The following TAFA5 variants were observed in gnomAD, a reference collection of about 807,000 sequenced individuals.
The protein encoded by TAFA5 is chemokine-like protein TAFA-5.
Under a neutral mutation model 15.3 loss-of-function variants are expected in TAFA5, and 6 were observed. The observed-to-expected ratio is 0.39, with a 90% confidence interval of 0.21 to 0.77. TAFA5 has a LOEUF of 0.77. Among genes scored for constraint, TAFA5 ranks in the 30% least tolerant of loss-of-function variants. The pLI is 0.41. For synonymous variants in TAFA5, 103 were observed against 80.7 expected, an observed-to-expected ratio of 1.28 and a Z score of -1.48; for missense variants, 161 against 193.1, an observed-to-expected ratio of 0.83 and a Z score of 0.98.
chr22:48,622,658 C>G, intron 1 of TAFA5, among the ~76,000 whole-genome samples: 1 of 152,212 alleles, frequency 6.6e-6, no homozygotes, highest in East Asian at 1.9e-4. Context: ...TTGTCACCTG[C>G]CGTGGTACGA....
At chr22:48,699,992 C>T (rs1481558196) in intron 2 of TAFA5, among the ~76,000 whole-genome samples, 2 of 152,002 alleles carry the variant, frequency 1.3e-5, no homozygotes, top group African/African-American at 2.4e-5. Context: ...GTGGATGGGC[C>T]TTTGCTGGAT....
chr22:48,658,800 G>A (rs2147212346), intron 2 of TAFA5, among the ~76,000 whole-genome samples: 1 of 152,332 alleles, frequency 6.6e-6, no homozygotes, highest in South Asian at 2.1e-4. Flanking sequence ...GAAAGGACCA[G>A]GCCTGTGGCC....
rs115590095 is a variant in TAFA5 at position 48,605,846 on chromosome 22, G to A, written c.113-40751G>A. Among the ~76,000 whole-genome samples the A allele has an allele frequency of 5.1e-3, 780 of 152,306 alleles. 7 individuals carry two copies. The highest frequency in any genetic ancestry group is 0.017 in the African/African-American group (713 of 41,560). ...CCAAGTCCCCACCCACAGTTGGGAT[G>A]CCTGGTGCTAATCCTGGAGTGTAAG... On this transcript the variant is annotated intron_variant, in intron 1 of 3. Transcript: ENST00000402357.
At position 48,679,658 on chromosome 22, in the gene TAFA5, C is replaced by T. The variant is rs1395467894; in HGVS notation, c.263-28059C>T. 1.2e-4 allele frequency among the ~76,000 whole-genome samples: 12 copies of T among 101,490 alleles called. 1 individual carries two copies. Among genetic ancestry groups the T allele is most frequent in the African/African-American group, 5.1e-4 (11 of 21,360 alleles). 66.6% of individuals were successfully genotyped at this position (101,490 alleles called of 152,430 possible). Reference sequence around the variant, plus strand: ...CCCGTCCATCCCTCTCCGGGCTCCCCGTCCATCCCTCTCCCGTCTCCCCGT... The same window carrying T: ...CCCGTCCATCCCTCTCCGGGCTCCCTGTCCATCCCTCTCCCGTCTCCCCGT... On this transcript the variant is annotated intron_variant, in intron 2 of 3. Coordinates refer to ENST00000402357, the MANE Select transcript of TAFA5 (RefSeq NM_001082967.3).
chr22:48,614,656 C>T (rs1417988112), intron 1 of TAFA5, among the ~76,000 whole-genome samples: 2 of 152,196 alleles, frequency 1.3e-5, no homozygotes, highest in African/African-American at 2.4e-5. Context: ...TGTAGGTGAC[C>T]TTTGTAAAAG....
chr22:48,719,414 AG>A, intron 3 of TAFA5, among the ~76,000 whole-genome samples: 1 of 152,290 alleles, frequency 6.6e-6, no homozygotes, highest in African/African-American at 2.4e-5. Flanking sequence ...AGGGAACTGG[AG>A]GGAGAGGGAG....
intron 1 of TAFA5, among the ~76,000 whole-genome samples, chr22:48,645,080 C>T (rs1014897612): frequency 6.6e-6 from 1 of 152,248 alleles, no homozygotes; most frequent in African/African-American, 2.4e-5. Context: ...AGCAGGCACT[C>T]ATTACCTACT....
At chr22:48,702,126 T>TGC (rs1449224926) in intron 2 of TAFA5, among the ~76,000 whole-genome samples, 1 of 65,412 alleles carries the variant, frequency 1.5e-5, no homozygotes, top group African/African-American at 1.0e-4. Flanking sequence ...GACTTGTGTG[T>TGC]GAGTGTGTGT....
intron 2 of TAFA5, among the ~76,000 whole-genome samples, chr22:48,666,564 G>A (rs374532202): frequency 3.9e-5 from 2 of 51,060 alleles, no homozygotes; most frequent in South Asian, 6.8e-4. Flanking sequence ...CAGTCAGTAC[G>A]GAGGCCCGTG....
intron 1 of TAFA5, among the ~76,000 whole-genome samples, chr22:48,527,963 A>C (rs4823800): frequency 0.19 from 29,166 of 152,202 alleles, 2,832 homozygotes; most frequent in African/African-American, 0.22. Flanking sequence ...ATGCACTTTT[A>C]CTACTTGTTC....
At chr22:48,600,924 G>A (rs1005879643) in intron 1 of TAFA5, among the ~76,000 whole-genome samples, 1 of 152,126 alleles carries the variant, frequency 6.6e-6, no homozygotes, top group African/African-American at 2.4e-5. Context: ...ACTCGGTCAC[G>A]GTGCCCACGT....
chr22:48,720,134 T>G (rs769776703), intron 3 of TAFA5, among the ~76,000 whole-genome samples: 38 of 152,208 alleles, frequency 2.5e-4, no homozygotes, highest in Non-Finnish European at 1.2e-4. Flanking sequence ...GGACGGGGTC[T>G]GTCGCGAAAC....
At chr22:48,508,059 C>T (rs1322211339) in intron 1 of TAFA5, among the ~76,000 whole-genome samples, 4 of 152,148 alleles carry the variant, frequency 2.6e-5, no homozygotes, top group Non-Finnish European at 5.9e-5. Context: ...CTAGAGCCGC[C>T]CGCTTGCAGA....
chr22:48,655,725 C>G (rs1263896394), intron 2 of TAFA5, among the ~76,000 whole-genome samples: 1 of 151,766 alleles, frequency 6.6e-6, no homozygotes, highest in Non-Finnish European at 1.5e-5. Context: ...GCTGTGGCCT[C>G]AAGCAGGTCC....
At chr22:48,643,033 G>A (rs1926739267) in intron 1 of TAFA5, among the ~76,000 whole-genome samples, 1 of 152,172 alleles carries the variant, frequency 6.6e-6, no homozygotes, top group South Asian at 2.1e-4. Flanking sequence ...GTTGGGGTGA[G>A]TCCTGGGCCA....
chr22:48,610,503 G>T (rs1925361426), intron 1 of TAFA5, among the ~76,000 whole-genome samples: 1 of 151,422 alleles, frequency 6.6e-6, no homozygotes, highest in Non-Finnish European at 1.5e-5. Context: ...GGTGGTGAGG[G>T]ACCACAGAAG....
chr22:48,645,702 C>T (rs1441984553), intron 1 of TAFA5, among the ~76,000 whole-genome samples: 1 of 151,902 alleles, frequency 6.6e-6, no homozygotes, highest in African/African-American at 2.4e-5. Context: ...TCCACGACAC[C>T]CATGGGTGGT....
intron 3 of TAFA5, among the ~76,000 whole-genome samples, chr22:48,729,140 A>T (rs1255544665): frequency 6.6e-6 from 1 of 151,732 alleles, no homozygotes; most frequent in Admixed American, 6.6e-5. Context: ...ATACTTTAAT[A>T]GGCACGCTGC....
intron 1 of TAFA5, among the ~76,000 whole-genome samples, chr22:48,606,647 A>T (rs1337661930): frequency 4.6e-5 from 7 of 152,242 alleles, no homozygotes; most frequent in Non-Finnish European, 8.8e-5. Context: ...CTGTTACTCA[A>T]AAGCGGTTTT....
Sources: allele counts gnomAD v4.1 joint callset (sites outside exome capture counted in the v4.1 genomes callset), GRCh38; gene constraint gnomAD v4.1.1; transcripts MANE v1.5; gene names NCBI Gene and HGNC (gene_info 2026-07-23, HGNC 2026-07-21).